POLR3A: variants seen among roughly 807,000 people sequenced by gnomAD.
POLR3A encodes RNA polymerase III subunit A, also known as DNA-directed RNA polymerase III subunit RPC1.
A neutral mutation model predicts 152.8 loss-of-function variants in POLR3A; 112 were observed. That is an observed-to-expected ratio of 0.73 (90% confidence interval 0.63 to 0.86). POLR3A has a LOEUF of 0.86. POLR3A is among the 40% of genes least tolerant of loss of function. POLR3A has a pLI of 0.00. For missense variants in POLR3A, 1,385 were observed against 1,743.1 expected (o/e 0.79, Z 3.66); for synonymous variants, 615 against 652.1 (o/e 0.94, Z 0.87).
In POLR3A at chr10:77,984,024, A is replaced by G; in HGVS notation, c.3337-12T>C. Reference sequence around the variant, plus strand: ...ATATACTCGGAAATCTGGAGTGTCAAAAGATCAGACTGTTAATCAGCCGCT... The same window carrying G: ...ATATACTCGGAAATCTGGAGTGTCAGAAGATCAGACTGTTAATCAGCCGCT... On this transcript the variant is annotated splice_polypyrimidine_tract_variant and intron_variant, in intron 25 of 30. Transcript: ENST00000372371. 6.4e-7 allele frequency: 1 copy of G among 1,574,092 alleles called. No homozygotes were observed. The highest frequency in any genetic ancestry group is 1.1e-5 in the South Asian group (1 of 89,956).
intron 11 of POLR3A, among the ~76,000 whole-genome samples, chr10:78,012,205 G>C (rs994936828): frequency 1.3e-5 from 2 of 151,798 alleles, no homozygotes; most frequent in African/African-American, 4.8e-5. Context: ...TCTCTACTAA[G>C]AGTACAAAAT....
At chr10:77,990,702 C>T (rs1199088214) in intron 21 of POLR3A, among the ~76,000 whole-genome samples, 1 of 151,426 alleles carries the variant, frequency 6.6e-6, no homozygotes, top group African/African-American at 2.4e-5. Context: ...CTGCAACCTC[C>T]GCCTCTCAGG....
chr10:77,977,601 T>C lies in POLR3A; in HGVS notation c.4050A>G (p.Gly1350=). ...GCCCGGTTCCAATGTTCATTGGGAT[T>C]CCCATGATGATGCACTCAGACACCC... The part of the protein sequence containing the change: ...VCGVSECIIM[G]IPMNIGTGLF... The change falls in exon 31 of 31, where the codon GGA becomes GGG. Residue 1350 remains glycine (G), a synonymous_variant. Transcript: ENST00000372371. 2 of 1,613,480 alleles carry C rather than the reference T, an allele frequency of 1.2e-6. No homozygotes were observed. The highest frequency in any genetic ancestry group is 1.7e-6 in the Non-Finnish European group (2 of 1,179,454).
Position 77,977,590 on chromosome 10 carries a change from T to C in POLR3A, c.4061A>G (p.Asn1354Ser). The C allele has an allele frequency of 6.2e-7, 1 of 1,613,684 alleles. No individual in the cohort carries two copies. Among genetic ancestry groups the C allele is most frequent in the Non-Finnish European group, 8.5e-7 (1 of 1,179,588 alleles). Residue 1354 changes from asparagine (N) to serine (S), a missense_variant, in exon 31 of 31, where the codon AAC (asparagine) becomes AGC (serine). By Grantham distance (46) the Asn-to-Ser change is conservative. Coordinates refer to ENST00000372371, the MANE Select transcript of POLR3A (RefSeq NM_007055.4). ...CAGCTTGAAGAGCCCGGTTCCAATGTTCATTGGGATTCCCATGATGATGCA... is the reference window on the plus strand; with the variant it reads ...CAGCTTGAAGAGCCCGGTTCCAATGCTCATTGGGATTCCCATGATGATGCA... Reference protein sequence around the residue: ...SECIIMGIPMNIGTGLFKLLH... With the variant: ...SECIIMGIPMSIGTGLFKLLH...
chr10:78,014,974 TAAC>T (rs915536091), intron 10 of POLR3A, among the ~76,000 whole-genome samples: 1 of 152,188 alleles, frequency 6.6e-6, no homozygotes, highest in African/African-American at 2.4e-5. Context: ...CAGGCAATGA[TAAC>T]AAATGAATTA....
intron 4 of POLR3A, 93 bp from the exon 5 acceptor site, chr10:78,024,796 C>G (rs1564623841): frequency 7.4e-7 from 1 of 1,356,632 alleles, no homozygotes; most frequent in Non-Finnish European, 1.0e-6. Context: ...ACTGAAACTA[C>G]TATAGCAATG....
intron 16 of POLR3A, 79 bp from the exon 17 acceptor site, chr10:78,002,387 A>G: frequency 1.0e-6 from 1 of 996,648 alleles, no homozygotes; most frequent in Non-Finnish European, 1.6e-6. Context: ...TAACATTTAA[A>G]GAAATTTGAA....
At chr10:77,991,958 C>T (rs115103484) in intron 20 of POLR3A, among the ~76,000 whole-genome samples, 171 of 152,176 alleles carry the variant, frequency 1.1e-3, no homozygotes, top group African/African-American at 3.8e-3. Context: ...CTGTAAGCAG[C>T]GTAGAAAAAA....
At chr10:77,988,815 C>G (rs182795300) in intron 21 of POLR3A, among the ~76,000 whole-genome samples, 1 of 152,238 alleles carries the variant, frequency 6.6e-6, no homozygotes, top group East Asian at 1.9e-4. Flanking sequence ...TCCCGAAAGC[C>G]CTCTTGGCCC....
At position 78,000,077 on chromosome 10, in the gene POLR3A, G is replaced by A. The variant is rs892342504; in HGVS notation, c.2520C>T (p.Ser840=). 7.4e-6 allele frequency: 12 copies of A among 1,613,912 alleles called. No individual in the cohort carries two copies. The highest frequency in any genetic ancestry group is 4.4e-5 in the South Asian group (4 of 91,074). ...AKGFVANSFY[S]GLTPTEFFFH... ...AGAAAAACTCAGTTGGTGTCAAACCGGAATAAAAGCTATTAGCCACAAAGC... is the reference window on the plus strand; with the variant it reads ...AGAAAAACTCAGTTGGTGTCAAACCAGAATAAAAGCTATTAGCCACAAAGC... Residue 840 remains serine (S), a synonymous_variant, in exon 19 of 31, where the codon TCC becomes TCT. Coordinates refer to ENST00000372371, the MANE Select transcript of POLR3A (RefSeq NM_007055.4).
At position 77,986,121 on chromosome 10, in the gene POLR3A, G is replaced by C; in HGVS notation, c.2940C>G (p.Ile980Met). The change falls in exon 22 of 31, where the codon ATC (isoleucine) becomes ATG (methionine). Residue 980 changes from isoleucine to methionine, a missense_variant. Coordinates refer to ENST00000372371, the MANE Select transcript of POLR3A (RefSeq NM_007055.4). ...KKFIKGVSEK[I>M]KKTRDKYGIN... ...TGCCATATTTATCTCTGGTTTTCTT[G>C]ATCTTCTCAGAGACCCCCTTAATGA... 6.3e-7 allele frequency: 1 copy of C among 1,592,550 alleles called. No individual in the cohort carries two copies. The highest frequency in any genetic ancestry group is 8.6e-7 in the Non-Finnish European group (1 of 1,160,432).
chr10:78,022,740 C>A (rs529466315), intron 5 of POLR3A, among the ~76,000 whole-genome samples: 20 of 152,082 alleles, frequency 1.3e-4, no homozygotes, highest in Non-Finnish European at 5.9e-5. Context: ...TTGGAAAGAG[C>A]CTGACAGTTT....
At chr10:77,984,168 G>C (rs537653222) in intron 25 of POLR3A, 37 bp downstream of exon 25, 1 of 1,393,094 alleles carries the variant, frequency 7.2e-7, no homozygotes. Context: ...ACATTGCTGA[G>C]CTAGTTTTCT....
At chr10:78,023,180 G>A (rs1362525481) in intron 5 of POLR3A, among the ~76,000 whole-genome samples, 1 of 151,622 alleles carries the variant, frequency 6.6e-6, no homozygotes, top group Non-Finnish European at 1.5e-5. Context: ...AGTGTTACTG[G>A]CTGGGCATGG....
rs745567838 is a variant in POLR3A at position 78,017,697 on chromosome 10, G to A, written c.1309C>T (p.Arg437Ter). 2.5e-6 allele frequency: 4 copies of A among 1,613,908 alleles called. No homozygotes were observed. Among genetic ancestry groups the A allele is most frequent in the African/African-American group, 1.3e-5 (1 of 74,892 alleles). ...TTGAGCTCTTGAGCCATCTTTTCTC[G>A]ATTTCCGTATTTCAAAAACCTGAAT... ...QMKRFLKYGN[R>*]EKMAQELKYG... Residue 437 changes from arginine (R) to a stop codon, truncating the protein, a stop_gained, in exon 10 of 31, where the codon CGA becomes TGA. Transcript: ENST00000372371. LOFTEE classifies it high-confidence loss of function.
chr10:77,985,861 C>A (rs761556700), intron 23 of POLR3A, 42 bp downstream of exon 23: 13 of 1,424,968 alleles, frequency 9.1e-6, no homozygotes, highest in Non-Finnish European at 1.3e-5. Flanking sequence ...ATACGTGAGA[C>A]CTATGTGGAT....
intron 14 of POLR3A, 146 bp from the exon 15 acceptor site, chr10:78,008,012 G>GGT: frequency 1.9e-6 from 1 of 519,388 alleles, no homozygotes; most frequent in Non-Finnish European, 3.4e-6. Flanking sequence ...TTTTTTTTGG[G>GGT]GGGAGGGAGG....
intron 3 of POLR3A, 93 bp downstream of exon 3, chr10:78,025,529 T>C: frequency 8.1e-7 from 1 of 1,239,160 alleles, no homozygotes. Context: ...CCTAGATGTA[T>C]CCCCCACCAC....
At position 78,021,902 on chromosome 10, in the gene POLR3A, TC is replaced by T; in HGVS notation, c.1005del (p.Lys336SerfsTer10). On this transcript the variant is annotated frameshift_variant, in exon 7 of 31. Transcript: ENST00000372371. LOFTEE classifies it high-confidence loss of function. ...LSGIPLNMAP[K>X]KWTRGFVQRL... The stretch of plus-strand genomic sequence containing the variant: ...CGTTGGACGAAGCCTCTGGTCCACT[TC>T]TTGGGTGCCATGTTGAGGGGAATGC... 1 of 1,614,122 alleles carries T rather than the reference TC, an allele frequency of 6.2e-7. No homozygotes were observed. Among genetic ancestry groups the T allele is most frequent in the Non-Finnish European group, 8.5e-7 (1 of 1,180,010 alleles).
Sources: allele counts gnomAD v4.1 joint callset (sites outside exome capture counted in the v4.1 genomes callset), GRCh38; gene constraint gnomAD v4.1.1; transcripts MANE v1.5; gene names NCBI Gene and HGNC (gene_info 2026-07-23, HGNC 2026-07-21).